Variants in MYOM3 observed in about 807,000 individuals in gnomAD.
MYOM3 encodes myomesin-3.
MYOM3 carries 155 observed loss-of-function variants against 191.7 expected under a neutral mutation model. That is an observed-to-expected ratio of 0.81 (90% CI 0.71 to 0.92). The LOEUF (loss-of-function observed/expected upper bound fraction) is 0.92, where lower values mean the gene tolerates loss of function less well. Ranked by LOEUF, MYOM3 falls within the 40% of genes least tolerant of loss-of-function variation. The probability of loss-of-function intolerance (pLI) is 0.00; values close to 1 mark genes in which losing one functional copy is unlikely to be tolerated. For missense variants in MYOM3, 1,889 were observed against 1,890.6 expected, an observed-to-expected ratio of 1.00 and a Z score of 0.02; for synonymous variants, 757 against 762.9, an observed-to-expected ratio of 0.99 and a Z score of 0.13.
intron 21 of MYOM3, 98 bp from the exon 22 acceptor site, chr1:24,075,573 C>G: frequency 7.7e-7 from 1 of 1,299,998 alleles, no homozygotes; most frequent in Non-Finnish European, 1.0e-6. Flanking sequence ...GCCTGTTGCA[C>G]TTAATAATAA....
chr1:24,065,822 A>C, intron 29 of MYOM3, 69 bp downstream of exon 29: 2 of 1,207,266 alleles, frequency 1.7e-6, no homozygotes, highest in Non-Finnish European at 2.5e-6. Flanking sequence ...CTCCCAGCCC[A>C]GAGCTCTTGG....
rs115069636 is a variant in MYOM3, at chr1:24,099,175, G to A, written c.656+505C>T. The stretch of plus-strand genomic sequence containing the variant: ...CTTCCCTCAAAACCATGCTTAGGAC[G>A]CACCATCTCCTGAAAGGCTGAACTC... On this transcript the variant is annotated intron_variant, in intron 6 of 36. Transcript: ENST00000374434. Among the ~76,000 whole-genome samples, 366 of 152,278 alleles carry A rather than the reference G, an allele frequency of 2.4e-3. 1 individual carries two copies. The highest frequency in any genetic ancestry group is 8.4e-3 in the African/African-American group (347 of 41,550).
chr1:24,098,695 C>T (rs1022108876), intron 6 of MYOM3, among the ~76,000 whole-genome samples: 30 of 152,330 alleles, frequency 2.0e-4, no homozygotes, highest in Admixed American at 1.2e-3. Context: ...CTGCCTGCCC[C>T]GGAGGTCCCC....
At chr1:24,098,233 A>G (rs1643888965) in intron 6 of MYOM3, among the ~76,000 whole-genome samples, 1 of 152,108 alleles carries the variant, frequency 6.6e-6, no homozygotes, top group Non-Finnish European at 1.5e-5. Context: ...CACCACCTAA[A>G]CCGTCTCAGG....
Position 24,099,781 on chromosome 1 carries a change from G to A in MYOM3, c.561-6C>T, listed in dbSNP as rs547022246. ...TCCGTGTGTCATTTTTGTACCTGTG[G>A]GGACATAGCGGTCTGTGGCAGGCAG... On this transcript the variant is annotated splice_polypyrimidine_tract_variant and splice_region_variant and intron_variant, in intron 5 of 36. Coordinates refer to ENST00000374434, the MANE Select transcript of MYOM3 (RefSeq NM_152372.4). 6.2e-7 allele frequency: 1 copy of A among 1,611,634 alleles called. No individual in the cohort carries two copies. Among genetic ancestry groups the A allele is most frequent in the East Asian group, 2.2e-5 (1 of 44,846 alleles).
At chr1:24,062,841 T>C (rs1193381170) in intron 32 of MYOM3, among the ~76,000 whole-genome samples, 1 of 152,160 alleles carries the variant, frequency 6.6e-6, no homozygotes, top group Non-Finnish European at 1.5e-5. Flanking sequence ...GCTGTGGCCA[T>C]AGAGTTTCCA....
intron 1 of MYOM3, among the ~76,000 whole-genome samples, chr1:24,109,672 A>G (rs1002209852): frequency 6.6e-6 from 1 of 152,234 alleles, no homozygotes; most frequent in African/African-American, 2.4e-5. Flanking sequence ...CAGTCCCTGC[A>G]ATAACCCAAA....
Position 24,090,111 on chromosome 1 carries a change from G to T in MYOM3, c.1440C>A (p.Pro480=). The change falls in exon 13 of 37, where the codon CCC becomes CCA. Residue 480 remains proline (P), a synonymous_variant. Coordinates refer to ENST00000374434, the MANE Select transcript of MYOM3 (RefSeq NM_152372.4). ...TGGTGATCTTGTTTCCCAGATCAAA[G>T]GGGATCTCTAGGATGAGAAGGGAGC... The part of the protein sequence containing the change: ...HDAARRKTEI[P]FDLGNKITIS... 6.2e-7 allele frequency: 1 copy of T among 1,614,014 alleles called. No homozygotes were observed. Among genetic ancestry groups the T allele is most frequent in the Non-Finnish European group, 8.5e-7 (1 of 1,179,892 alleles).
rs531297130 is a variant in MYOM3, at chr1:24,080,386, C to G, written c.2408-192G>C. On this transcript the variant is annotated intron_variant, in intron 19 of 36. Coordinates refer to ENST00000374434, the MANE Select transcript of MYOM3 (RefSeq NM_152372.4). ...TTCATGACAAAGCCTGGCTCTGGGC[C>G]TGAAACCACGGTTAACTTTTCAAAA... 4.6e-5 allele frequency among the ~76,000 whole-genome samples: 7 copies of G among 152,332 alleles called. No homozygotes were observed. The East Asian group carries it at 1.4e-3, about 29-fold the overall frequency.
chr1:24,096,121 C>T (rs1313824032), intron 7 of MYOM3, among the ~76,000 whole-genome samples: 1 of 152,190 alleles, frequency 6.6e-6, no homozygotes, highest in Admixed American at 6.5e-5. Context: ...CAGACAACAC[C>T]CCAGCAGCCT....
In MYOM3 at chr1:24,093,043, C is replaced by A. The variant is rs1557613494; in HGVS notation, c.994G>T (p.Val332Leu). ...TCGTCCTCCTTGTAGGTGCAGGACA[C>A]CTTCAGGGATGCCTGGCGGTCTGTG... is the stretch of plus-strand genomic sequence containing the variant. ...LYTDRQASLK[V>L]SCTYKEDEGL... Residue 332 changes from valine (V) to leucine (L), a missense_variant, in exon 10 of 37, where the codon GTG becomes TTG. Physicochemically the swap from Val to Leu is conservative, Grantham distance 32. Transcript: ENST00000374434. 6.2e-7 allele frequency: 1 copy of A among 1,613,332 alleles called. No homozygotes were observed. The highest frequency in any genetic ancestry group is 1.1e-5 in the South Asian group (1 of 91,046).
intron 10 of MYOM3, 89 bp from the exon 11 acceptor site, chr1:24,092,404 A>G: frequency 8.4e-7 from 1 of 1,189,640 alleles, no homozygotes; most frequent in Non-Finnish European, 1.1e-6. Flanking sequence ...TCCTCTTCTC[A>G]TCCATCCTCC....
chr1:24,086,629 G>A lies in MYOM3; in HGVS notation c.1798+15C>T, dbSNP rs373385735. ...TGGCCTGCCTCCTCCCCGACCCCCG[G>A]CATCAGGAGGGTACCTGGCGGGCCC... On this transcript the variant is annotated intron_variant, in intron 15 of 36. Coordinates refer to ENST00000374434, the MANE Select transcript of MYOM3 (RefSeq NM_152372.4). 210 of 1,610,380 alleles carry A rather than the reference G, an allele frequency of 1.3e-4. No homozygotes were observed. Among genetic ancestry groups the A allele is most frequent in the Non-Finnish European group, 1.7e-4 (198 of 1,177,968 alleles).
chr1:24,079,328 G>A (rs925403045), intron 20 of MYOM3, among the ~76,000 whole-genome samples: 5 of 151,626 alleles, frequency 3.3e-5, no homozygotes, highest in African/African-American at 1.2e-4. Context: ...AGCCTCCCGA[G>A]TAGCTGGGAC....
chr1:24,088,979 A>G (rs1253181434), intron 14 of MYOM3, among the ~76,000 whole-genome samples: 2 of 152,166 alleles, frequency 1.3e-5, no homozygotes, highest in Non-Finnish European at 2.9e-5. Context: ...TTTTGACACC[A>G]TGCTGTCTTC....
Position 24,057,275 on chromosome 1 carries a change from C to G in MYOM3, c.*89G>C. The G allele has an allele frequency of 4.3e-6, 6 of 1,392,142 alleles. No homozygotes were observed. The highest frequency in any genetic ancestry group is 6.0e-6 in the Non-Finnish European group (6 of 1,007,504). 86.2% of individuals were successfully genotyped at this position (1,392,142 alleles called of 1,614,324 possible). ...TGTCCCCTTTCCTTCTGCCCCACCC[C>G]TGTAGCCTGTGCCAGGCTGTGACCC... is the stretch of plus-strand genomic sequence containing the variant. On this transcript the variant is annotated 3_prime_UTR_variant, in exon 37 of 37. Transcript: ENST00000374434.
chr1:24,077,390 C>T (rs561222635), intron 20 of MYOM3, among the ~76,000 whole-genome samples: 2 of 152,324 alleles, frequency 1.3e-5, no homozygotes, highest in Admixed American at 1.3e-4. Context: ...CTTGCCCCTC[C>T]ATCTGTCCCC....
Position 24,105,698 on chromosome 1 carries a change from C to T in MYOM3, c.560+222G>A, listed in dbSNP as rs1261567228. Among the ~76,000 whole-genome samples, 4 of 152,180 alleles carry T rather than the reference C, an allele frequency of 2.6e-5. No homozygotes were observed. In the East Asian group the frequency reaches 7.7e-4, roughly 29 times the overall value. On this transcript the variant is annotated intron_variant, in intron 5 of 36. Coordinates refer to ENST00000374434, the MANE Select transcript of MYOM3 (RefSeq NM_152372.4). Reference sequence around the variant, plus strand: ...CACTTGAGCCCAGGAGTCAAGACTGCAGTGAGCTATGATTACTCCACTGCA... The same window carrying T: ...CACTTGAGCCCAGGAGTCAAGACTGTAGTGAGCTATGATTACTCCACTGCA...
Position 24,099,691 on chromosome 1 carries a change from C to T in MYOM3, c.645G>A (p.Leu215=). ...GTCTCCAGTCTCACCTCCTAATCTC[C>T]AGGGACAGCAGCCCGTAGTTGTTGG... ...RITNNYGLLS[L]EIRRCAIEDS... Residue 215 remains leucine (L), a synonymous_variant, in exon 6 of 37, where the codon CTG becomes CTA. Coordinates refer to ENST00000374434, the MANE Select transcript of MYOM3 (RefSeq NM_152372.4). 6.2e-7 allele frequency: 1 copy of T among 1,613,750 alleles called. No individual in the cohort carries two copies. The highest frequency in any genetic ancestry group is 1.6e-4 in the Middle Eastern group (1 of 6,062).
Sources: gnomAD v4.1 joint callset for allele counts (sites outside exome capture counted in the v4.1 genomes callset) on GRCh38, gnomAD v4.1.1 for gene constraint, MANE v1.5 for transcripts, NCBI Gene and HGNC (gene_info 2026-07-23, HGNC 2026-07-21) for gene names.